FGF1: variants seen among roughly 807,000 people sequenced by gnomAD.
FGF1 encodes the protein fibroblast growth factor 1.
A neutral mutation model predicts 13.4 loss-of-function variants in FGF1; 9 were observed. That is an observed-to-expected ratio of 0.67 (90% CI 0.40 to 1.17). The LOEUF is 1.17. Among genes scored for constraint, FGF1 ranks in the 50% most tolerant of loss-of-function variants. The probability of loss-of-function intolerance (pLI) is 0.01; values close to 1 mark genes in which losing one functional copy is unlikely to be tolerated. For missense variants in FGF1, 156 were observed against 192.7 expected, an observed-to-expected ratio of 0.81 and a Z score of 1.13; for synonymous variants, 93 against 79.0, an observed-to-expected ratio of 1.18 and a Z score of -0.94.
chr5:142,620,852 A>G (rs1761438534), intron 1 of FGF1, among the ~76,000 whole-genome samples: 1 of 152,228 alleles, frequency 6.6e-6, no homozygotes, highest in South Asian at 2.1e-4. Flanking sequence ...TCATAAGGCA[A>G]GACAACCCAA....
At chr5:142,612,911 C>T (rs2151868613) in intron 2 of FGF1, among the ~76,000 whole-genome samples, 1 of 152,356 alleles carries the variant, frequency 6.6e-6, no homozygotes, top group East Asian at 1.9e-4. Flanking sequence ...ACCTCTGGTG[C>T]ATGGTCCATG....
At chr5:142,654,451 A>G (rs543001099) in intron 1 of FGF1, among the ~76,000 whole-genome samples, 4 of 152,334 alleles carry the variant, frequency 2.6e-5, no homozygotes, top group Admixed American at 6.5e-5. Flanking sequence ...TGAACTTTGG[A>G]TAGTAGAAAG....
intron 1 of FGF1, among the ~76,000 whole-genome samples, chr5:142,623,698 G>C (rs1463447982): frequency 6.6e-6 from 1 of 151,502 alleles, no homozygotes; most frequent in Non-Finnish European, 1.5e-5. Context: ...GATTGAACAA[G>C]CTTGATTTTT....
chr5:142,667,596 A>G (rs1770653887), intron 1 of FGF1, among the ~76,000 whole-genome samples: 1 of 151,910 alleles, frequency 6.6e-6, no homozygotes, highest in South Asian at 2.1e-4. Flanking sequence ...AAAAAAAAAA[A>G]AAAAAAAAGA....
chr5:142,665,785 C>T (rs1561707860), intron 1 of FGF1, among the ~76,000 whole-genome samples: 1 of 152,184 alleles, frequency 6.6e-6, no homozygotes, highest in Non-Finnish European at 1.5e-5. Context: ...ATCACAGGTA[C>T]GTAGCTCTCC....
rs146265279 is a variant in FGF1, at chr5:142,660,582, C to T, written c.-35+25375G>A. Among the ~76,000 whole-genome samples, 223 of 152,304 alleles carry T rather than the reference C, an allele frequency of 1.5e-3. 1 individual carries two copies. The highest frequency in any genetic ancestry group is 4.8e-3 in the African/African-American group (199 of 41,568). On this transcript the variant is annotated intron_variant, in intron 1 of 3. Coordinates refer to ENST00000337706, the MANE Select transcript of FGF1 (RefSeq NM_000800.5). ...GGAGCAGCAGAAATCTGGAGTGTAACGCACACCCACTCGCCTTCTGATCAC... is the reference window on the plus strand; with the variant it reads ...GGAGCAGCAGAAATCTGGAGTGTAATGCACACCCACTCGCCTTCTGATCAC...
intron 2 of FGF1, among the ~76,000 whole-genome samples, chr5:142,694,685 C>G (rs546868694): frequency 6.6e-6 from 1 of 152,128 alleles, no homozygotes; most frequent in South Asian, 2.1e-4. Context: ...ATGTACTGAC[C>G]GGCAGCCCAA....
chr5:142,619,854 A>AC (rs1365633794), intron 1 of FGF1, among the ~76,000 whole-genome samples: 1 of 151,948 alleles, frequency 6.6e-6, no homozygotes, highest in Non-Finnish European at 1.5e-5. Context: ...AAAAAACGAA[A>AC]AAAAAACAAA....
At chr5:142,616,962 C>T (rs1195880945) in intron 1 of FGF1, among the ~76,000 whole-genome samples, 1 of 152,218 alleles carries the variant, frequency 6.6e-6, no homozygotes, top group African/African-American at 2.4e-5. Context: ...CACAAATAGT[C>T]ATTTGTATTG....
At chr5:142,614,838 G>A (rs1403513223) in intron 1 of FGF1, among the ~76,000 whole-genome samples, 1 of 152,148 alleles carries the variant, frequency 6.6e-6, no homozygotes, top group East Asian at 1.9e-4. Flanking sequence ...TTATGAGACA[G>A]ATCATTATGA....
chr5:142,672,066 A>C lies in FGF1; in HGVS notation c.-35+13891T>G, dbSNP rs17223206. 3.5e-4 allele frequency: 54 copies of C among 152,350 alleles called. No homozygotes were observed. The East Asian group carries it at 6.2e-3, about 17-fold the overall frequency. 9.4% of individuals were successfully genotyped at this position (152,350 alleles called of 1,614,324 possible). On this transcript the variant is annotated intron_variant, in intron 1 of 3. Transcript: ENST00000337706. Reference sequence around the variant, plus strand: ...TAATGTCATCATTCCATTACATACAAGTTAAAAGACTATGCAGTATGATAC... The same window carrying C: ...TAATGTCATCATTCCATTACATACACGTTAAAAGACTATGCAGTATGATAC...
chr5:142,606,176 A>C (rs914895549), intron 2 of FGF1, among the ~76,000 whole-genome samples: 2 of 151,552 alleles, frequency 1.3e-5, no homozygotes, highest in Non-Finnish European at 2.9e-5. Flanking sequence ...TTTTGAGCTA[A>C]AAGCAAACAA....
chr5:142,658,927 T>C (rs974349762), intron 1 of FGF1, among the ~76,000 whole-genome samples: 1 of 152,042 alleles, frequency 6.6e-6, no homozygotes, highest in Non-Finnish European at 1.5e-5. Context: ...GGCTCAGTAA[T>C]TGTGAGAAGA....
At chr5:142,633,068 C>T (rs558168359) in intron 1 of FGF1, among the ~76,000 whole-genome samples, 8 of 152,118 alleles carry the variant, frequency 5.3e-5, no homozygotes, top group East Asian at 1.9e-4. Flanking sequence ...CACAGGCGCC[C>T]GCCACCACAC....
chr5:142,667,718 C>T (rs1189374620), intron 1 of FGF1, among the ~76,000 whole-genome samples: 1 of 152,128 alleles, frequency 6.6e-6, no homozygotes, highest in African/African-American at 2.4e-5. Flanking sequence ...ATGTCCCATG[C>T]TAAATATGCT....
intron 2 of FGF1, among the ~76,000 whole-genome samples, chr5:142,602,130 G>T (rs1756691007): frequency 6.6e-6 from 1 of 151,952 alleles, no homozygotes; most frequent in East Asian, 1.9e-4. Context: ...ACAGAGCTTT[G>T]GTTGGTAGAT....
intron 1 of FGF1, among the ~76,000 whole-genome samples, chr5:142,652,991 T>C (rs1255488209): frequency 6.6e-6 from 1 of 152,210 alleles, no homozygotes; most frequent in Non-Finnish European, 1.5e-5. Flanking sequence ...GGCTCCATCC[T>C]CCTTCCTCTG....
intron 1 of FGF1, among the ~76,000 whole-genome samples, chr5:142,642,195 G>C (rs549488109): frequency 6.6e-6 from 1 of 152,182 alleles, no homozygotes; most frequent in Admixed American, 6.5e-5. Flanking sequence ...TCACCAGATG[G>C]GTGCTGTCAG....
chr5:142,621,779 A>C (rs1228964086), intron 1 of FGF1, among the ~76,000 whole-genome samples: 1 of 151,690 alleles, frequency 6.6e-6, no homozygotes, highest in South Asian at 2.1e-4. Flanking sequence ...CTCCCTCCAA[A>C]CTTGCCTTCC....
Sources: gnomAD v4.1 joint callset for allele counts (sites outside exome capture counted in the v4.1 genomes callset) on GRCh38, gnomAD v4.1.1 for gene constraint, MANE v1.5 for transcripts, NCBI Gene and HGNC (gene_info 2026-07-23, HGNC 2026-07-21) for gene names.